Variants in SLC14A2 observed in about 807,000 individuals in gnomAD.
The protein encoded by SLC14A2 is solute carrier family 14 member 2, also known as urea transporter 2.
A neutral mutation model predicts 104.6 loss-of-function variants in SLC14A2; 91 were observed. The observed-to-expected ratio is 0.87, with a 90% CI of 0.73 to 1.04. The LOEUF is 1.04. Ranked by LOEUF, SLC14A2 falls within the 50% of genes least tolerant of loss-of-function variation. The probability of loss-of-function intolerance (pLI) is 0.00; values close to 1 mark genes in which losing one functional copy is unlikely to be tolerated. For missense variants in SLC14A2, 1,189 were observed against 1,156.0 expected (o/e 1.03, Z -0.41); for synonymous variants, 476 against 466.4 (o/e 1.02, Z -0.27).
At chr18:45,549,594 G>A (rs2044027029) in intron 2 of SLC14A2, among the ~76,000 whole-genome samples, 1 of 152,238 alleles carries the variant, frequency 6.6e-6, no homozygotes, top group Non-Finnish European at 1.5e-5. Context: ...TATACCTAAA[G>A]AGCAAATGCC....
chr18:45,655,765 C>T (rs1366679772), intron 10 of SLC14A2, among the ~76,000 whole-genome samples: 4 of 152,198 alleles, frequency 2.6e-5, no homozygotes, highest in Non-Finnish European at 4.4e-5. Context: ...TGGGATGACA[C>T]ACAGGTGTTC....
chr18:45,566,515 GCACACACACACACACA>G lies in SLC14A2; in HGVS notation c.-34-58099_-34-58084del, dbSNP rs66828313. On this transcript the variant is annotated intron_variant, in intron 2 of 20. Transcript: ENST00000586448. ...CATGCATGTACATGCGCTCACGCTC[GCACACACACACACACA>G]CACACACACACACACAGTGTCCACA... Among the ~76,000 whole-genome samples, 4 of 150,084 alleles carry G rather than the reference GCACACACACACACACA, an allele frequency of 2.7e-5. No homozygotes were observed. In the East Asian group the frequency reaches 5.9e-4, roughly 22 times the overall value.
rs190316545 is a variant in SLC14A2, at chr18:45,381,045, G to A, written c.-124-102188G>A. Among the ~76,000 whole-genome samples, 363 of 152,298 alleles carry A rather than the reference G, an allele frequency of 2.4e-3. 1 individual carries two copies. The highest frequency in any genetic ancestry group is 8.4e-3 in the African/African-American group (347 of 41,556). ...TCTTGAATTTTCCTGGGCACTGTTA[G>A]GCTGTCACCCCTTAGAACAGAAATC... On this transcript the variant is annotated intron_variant, in intron 1 of 20. Coordinates refer to the SLC14A2 transcript ENST00000586448.
chr18:45,332,578 G>A (rs960479059), intron 1 of SLC14A2, among the ~76,000 whole-genome samples: 2 of 152,076 alleles, frequency 1.3e-5, no homozygotes, highest in Non-Finnish European at 2.9e-5. Flanking sequence ...GTTCCTGTAG[G>A]AACTTCTTTC....
intron 1 of SLC14A2, among the ~76,000 whole-genome samples, chr18:45,292,920 T>G (rs920480958): frequency 6.6e-6 from 1 of 151,242 alleles, no homozygotes; most frequent in African/African-American, 2.4e-5. Context: ...ATCTTCAAGA[T>G]GATATGTGAT....
chr18:45,573,493 T>C (rs1272676666), intron 2 of SLC14A2, among the ~76,000 whole-genome samples: 2 of 152,180 alleles, frequency 1.3e-5, no homozygotes, highest in Non-Finnish European at 2.9e-5. Flanking sequence ...AAATAAAAAC[T>C]CAAAGTCATA....
chr18:45,255,113 CTCT>C (rs1158045304), intron 1 of SLC14A2, among the ~76,000 whole-genome samples: 2 of 152,184 alleles, frequency 1.3e-5, no homozygotes, highest in African/African-American at 2.4e-5. Context: ...TTCCTTCTCT[CTCT>C]TCTTTTCCCA....
chr18:45,432,783 T>G (rs971395283), intron 1 of SLC14A2, among the ~76,000 whole-genome samples: 5 of 152,292 alleles, frequency 3.3e-5, no homozygotes, highest in Non-Finnish European at 5.9e-5. Context: ...AAGATAGGAT[T>G]TGATGGCCAC....
intron 2 of SLC14A2, among the ~76,000 whole-genome samples, chr18:45,542,035 G>GTTTTTTTTTTTGTTTTTTT (rs2043892024): frequency 1.8e-5 from 1 of 54,236 alleles, no homozygotes; most frequent in Non-Finnish European, 3.7e-5. Context: ...AAGAGAGAGG[G>GTTTTTTTTTTTGTTTTTTT]TTTTTTTTTT....
upstream of SLC14A2, among the ~76,000 whole-genome samples, chr18:45,208,558 A>C (rs1248041186): frequency 6.6e-6 from 1 of 152,228 alleles, no homozygotes; most frequent in African/African-American, 2.4e-5. Flanking sequence ...CGTTAAAGGC[A>C]GGGGACTCAG....
intron 1 of SLC14A2, among the ~76,000 whole-genome samples, chr18:45,240,972 A>G (rs2084309876): frequency 6.6e-6 from 1 of 152,150 alleles, no homozygotes; most frequent in Non-Finnish European, 1.5e-5. Context: ...GGAGGAAGAA[A>G]GTGGTAACAC....
chr18:45,424,580 G>A (rs2086397435), intron 1 of SLC14A2, among the ~76,000 whole-genome samples: 1 of 152,198 alleles, frequency 6.6e-6, no homozygotes, highest in African/African-American at 2.4e-5. Context: ...ATGAGTAGGT[G>A]GACACCCACA....
intron 1 of SLC14A2, among the ~76,000 whole-genome samples, chr18:45,268,737 A>G (rs994100361): frequency 2.0e-5 from 3 of 152,320 alleles, no homozygotes; most frequent in South Asian, 2.1e-4. Flanking sequence ...GGAGAAGGGT[A>G]GAGAGCTGGT....
At chr18:45,487,935 A>G (rs1451351962) in intron 2 of SLC14A2, among the ~76,000 whole-genome samples, 1 of 152,186 alleles carries the variant, frequency 6.6e-6, no homozygotes, top group Non-Finnish European at 1.5e-5. Flanking sequence ...CTAGGGTAAT[A>G]TGTCCTTCAT....
chr18:45,588,615 C>A (rs1024639186), intron 2 of SLC14A2, among the ~76,000 whole-genome samples: 9 of 152,188 alleles, frequency 5.9e-5, no homozygotes, highest in Non-Finnish European at 1.2e-4. Context: ...AAACTCCTCT[C>A]TGGTGATCTC....
At chr18:45,456,304 G>A (rs1032807765) in intron 1 of SLC14A2, among the ~76,000 whole-genome samples, 2 of 152,174 alleles carry the variant, frequency 1.3e-5, no homozygotes, top group Non-Finnish European at 2.9e-5. Flanking sequence ...CACCATCTGC[G>A]ACCATTCATC....
intron 1 of SLC14A2, among the ~76,000 whole-genome samples, chr18:45,289,652 A>G (rs1459102248): frequency 3.9e-5 from 6 of 152,174 alleles, no homozygotes; most frequent in Non-Finnish European, 5.9e-5. Flanking sequence ...TTGGCATCCT[A>G]TGTGTCTCCT....
At position 45,282,740 on chromosome 18, in the gene SLC14A2, G is replaced by A. The variant is rs1473005581; in HGVS notation, c.-125+69549G>A. 4.6e-5 allele frequency among the ~76,000 whole-genome samples: 7 copies of A among 152,138 alleles called. 1 individual carries two copies. Among genetic ancestry groups the A allele is most frequent in the Admixed American group, 3.3e-4 (5 of 15,276 alleles). ...CATATCTTTGGTTATTGTGCTCTGT[G>A]TGGGGTCAACTTATACTAGTTGTAT... is the stretch of plus-strand genomic sequence containing the variant. On this transcript the variant is annotated intron_variant, in intron 1 of 20. Transcript: ENST00000586448.
intron 10 of SLC14A2, among the ~76,000 whole-genome samples, chr18:45,651,068 C>T (rs932399501): frequency 6.6e-6 from 1 of 152,136 alleles, no homozygotes; most frequent in Non-Finnish European, 1.5e-5. Context: ...CCCTATCTTT[C>T]CATTACCTGC....
Sources: allele counts gnomAD v4.1 joint callset (sites outside exome capture counted in the v4.1 genomes callset), GRCh38; gene constraint gnomAD v4.1.1; transcripts MANE v1.5; gene names NCBI Gene and HGNC (gene_info 2026-07-23, HGNC 2026-07-21).